Variants in AGBL1 observed in about 807,000 individuals in gnomAD.
The protein encoded by AGBL1 is AGBL carboxypeptidase 1, also known as cytosolic carboxypeptidase 4.
AGBL1 carries 130 observed loss-of-function variants against 118.9 expected under a neutral mutation model. The ratio of observed to expected loss-of-function variants is 1.09; its 90% CI spans 0.95 to 1.26. The LOEUF is 1.26. Ranked by LOEUF, AGBL1 falls within the 50% of genes most tolerant of loss-of-function variation. The probability of loss-of-function intolerance (pLI) is 0.00; values close to 1 mark genes in which losing one functional copy is unlikely to be tolerated. For missense variants in AGBL1, 1,584 were observed against 1,298.1 expected (o/e 1.22, Z -3.38); for synonymous variants, 555 against 478.9 (o/e 1.16, Z -2.08).
At chr15:86,159,454 CAGGGTCTCTAAAGAGACAGCCAGTT>C (rs1017411630) in intron 5 of AGBL1, among the ~76,000 whole-genome samples, 4 of 152,108 alleles carry the variant, frequency 2.6e-5, no homozygotes, top group African/African-American at 9.7e-5. Context: ...TCATAAATGA[CAGGGTCTCTAAAGAGACAGCCAGTT>C]AAACTTCTGG....
chr15:86,310,314 TCTTA>T (rs952051569), intron 17 of AGBL1, among the ~76,000 whole-genome samples: 56 of 152,334 alleles, frequency 3.7e-4, no homozygotes, highest in African/African-American at 1.3e-3. Flanking sequence ...TCTCTTTTTC[TCTTA>T]CTTAGTTTGG....
At chr15:86,179,390 G>T (rs2077523238) in intron 5 of AGBL1, among the ~76,000 whole-genome samples, 1 of 152,188 alleles carries the variant, frequency 6.6e-6, no homozygotes, top group South Asian at 2.1e-4. Flanking sequence ...TTGCAAGAAT[G>T]CAAGACTAGT....
At chr15:86,695,466 C>T (rs1353687881) in intron 22 of AGBL1, among the ~76,000 whole-genome samples, 1 of 151,618 alleles carries the variant, frequency 6.6e-6, no homozygotes, top group East Asian at 1.9e-4. Context: ...TAATTGAGTT[C>T]ACTTGGATTT....
chr15:86,798,643 C>G (rs1264172086), intron 22 of AGBL1, among the ~76,000 whole-genome samples: 1 of 150,246 alleles, frequency 6.7e-6, no homozygotes, highest in Non-Finnish European at 1.5e-5. Context: ...TTCAACTTTC[C>G]TCTTGGAAAC....
intron 21 of AGBL1, among the ~76,000 whole-genome samples, chr15:86,560,067 G>A (rs2083792595): frequency 6.6e-6 from 1 of 152,080 alleles, no homozygotes; most frequent in Non-Finnish European, 1.5e-5. Context: ...GGGACTTATG[G>A]ATCACCCAGA....
chr15:86,939,496 C>A (rs2080719905), intron 23 of AGBL1, among the ~76,000 whole-genome samples: 1 of 152,222 alleles, frequency 6.6e-6, no homozygotes, highest in South Asian at 2.1e-4. Context: ...GGGACTCAGA[C>A]TGGCTTCCTT....
intron 1 of AGBL1, among the ~76,000 whole-genome samples, chr15:86,122,390 G>C (rs374149181): frequency 6.6e-6 from 1 of 152,192 alleles, no homozygotes; most frequent in Admixed American, 6.5e-5. Context: ...AAGAGATAGT[G>C]CTTAATTCTA....
intron 22 of AGBL1, among the ~76,000 whole-genome samples, chr15:86,784,589 C>T (rs1391274401): frequency 1.3e-5 from 2 of 152,110 alleles, no homozygotes; most frequent in Non-Finnish European, 2.9e-5. Context: ...TTAAAAACTG[C>T]TGTACTGGGC....
chr15:86,360,677 C>T (rs574895641), intron 17 of AGBL1, among the ~76,000 whole-genome samples: 13 of 151,740 alleles, frequency 8.6e-5, no homozygotes, highest in Non-Finnish European at 1.6e-4. Context: ...CAGTTCTTTC[C>T]TTTTTGGTGA....
intron 17 of AGBL1, among the ~76,000 whole-genome samples, chr15:86,346,865 T>TTGGG (rs2080545535): frequency 1.3e-5 from 2 of 152,232 alleles, no homozygotes; most frequent in Non-Finnish European, 2.9e-5. Context: ...CAATGTGCCA[T>TTGGG]ACAGCAAGAC....
chr15:86,902,150 C>G (rs987704496), intron 22 of AGBL1, among the ~76,000 whole-genome samples: 1 of 152,044 alleles, frequency 6.6e-6, no homozygotes, highest in Non-Finnish European at 1.5e-5. Flanking sequence ...ATTGTGGCAT[C>G]GTTTTACAAA....
intron 21 of AGBL1, among the ~76,000 whole-genome samples, chr15:86,590,400 C>T (rs938625939): frequency 6.6e-6 from 1 of 152,118 alleles, no homozygotes. Flanking sequence ...GGGCTTTTCC[C>T]CACTTCACTC....
chr15:86,709,318 A>G (rs2086512350), intron 22 of AGBL1, among the ~76,000 whole-genome samples: 1 of 144,642 alleles, frequency 6.9e-6, no homozygotes, highest in Non-Finnish European at 1.5e-5. Flanking sequence ...GTTATTTCCT[A>G]CTTGTCTTAT....
intron 1 of AGBL1, among the ~76,000 whole-genome samples, chr15:86,095,246 G>C (rs901142613): frequency 2.6e-5 from 4 of 152,138 alleles, no homozygotes; most frequent in African/African-American, 9.7e-5. Context: ...TTTTTATGTA[G>C]GCTCCATTGC....
chr15:86,342,335 T>C (rs548287688), intron 17 of AGBL1, among the ~76,000 whole-genome samples: 151 of 152,322 alleles, frequency 9.9e-4, no homozygotes, highest in African/African-American at 3.5e-3. Flanking sequence ...TATTGTACAC[T>C]GTGTGAGACC....
chr15:86,437,835 A>G (rs1427805693), intron 18 of AGBL1, among the ~76,000 whole-genome samples: 1 of 152,116 alleles, frequency 6.6e-6, no homozygotes, highest in African/African-American at 2.4e-5. Flanking sequence ...GCCTCTCTCA[A>G]TTGCCAACCA....
chr15:86,344,534 G>A (rs1247129743), intron 17 of AGBL1, among the ~76,000 whole-genome samples: 2 of 151,940 alleles, frequency 1.3e-5, no homozygotes, highest in Non-Finnish European at 2.9e-5. Context: ...TTAGGAGGAG[G>A]CAGCATAGTC....
At chr15:86,981,055 T>G (rs2081227795) in intron 23 of AGBL1, among the ~76,000 whole-genome samples, 1 of 151,998 alleles carries the variant, frequency 6.6e-6, no homozygotes, top group Admixed American at 6.6e-5. Context: ...CCTGGCTAAC[T>G]TTTGTATTTT....
intron 17 of AGBL1, among the ~76,000 whole-genome samples, chr15:86,351,908 T>C (rs2080633097): frequency 1.3e-5 from 2 of 152,162 alleles, no homozygotes; most frequent in Non-Finnish European, 2.9e-5. Context: ...ACCAAGGGTG[T>C]TCTTTGAGCC....
Sources: gnomAD v4.1 joint callset for allele counts (sites outside exome capture counted in the v4.1 genomes callset) on GRCh38, gnomAD v4.1.1 for gene constraint, MANE v1.5 for transcripts, NCBI Gene and HGNC (gene_info 2026-07-23, HGNC 2026-07-21) for gene names.